Variants in PIP5K1A observed in about 807,000 individuals in gnomAD.
PIP5K1A encodes the protein phosphatidylinositol-4-phosphate 5-kinase type 1 alpha.
In PIP5K1A, 46 loss-of-function variants were observed where a neutral mutation model predicts 72.9. The ratio of observed to expected loss-of-function variants is 0.63; its 90% CI spans 0.50 to 0.81. The LOEUF is 0.81. Among genes scored for constraint, PIP5K1A ranks in the 30% least tolerant of loss-of-function variants. PIP5K1A has a pLI of 0.00. For synonymous variants in PIP5K1A, 228 were observed against 255.1 expected, an observed-to-expected ratio of 0.89 and a Z score of 1.01; for missense variants, 458 against 706.1, an observed-to-expected ratio of 0.65 and a Z score of 3.98.
At position 151,242,131 on chromosome 1, in the gene PIP5K1A, TCTC is replaced by T. The variant is rs1558300590; in HGVS notation, c.1375_1377del (p.Pro459del). 3.7e-6 allele frequency: 6 copies of T among 1,614,140 alleles called. No homozygotes were observed. The highest frequency in any genetic ancestry group is 3.3e-5 in the Admixed American group (2 of 60,020). On this transcript the variant is annotated inframe_deletion, in exon 13 of 16. Coordinates refer to ENST00000368888, the MANE Select transcript of PIP5K1A (RefSeq NM_001135638.2). ...CTCTTTCCCTTTTGAAGTGAAGCCT[TCTC>T]CTTCCAAAAAGTTTCGGTCTGGCTC...
At chr1:151,239,881 G>A (rs1170567949) in intron 11 of PIP5K1A, 74 bp from the exon 12 acceptor site, 3 of 1,037,198 alleles carry the variant, frequency 2.9e-6, no homozygotes, top group Non-Finnish European at 4.5e-6. Flanking sequence ...GCTCAGTCTG[G>A]GGGAAGATGG....
rs1692769390 is a variant in PIP5K1A, at chr1:151,248,171, C to A, written c.*306C>A. On this transcript the variant is annotated 3_prime_UTR_variant, in exon 16 of 16. Coordinates refer to ENST00000368888, the MANE Select transcript of PIP5K1A (RefSeq NM_001135638.2). ...CCTCCACTATTGAATTTTTTTCAGA[C>A]CCCCATTCTTCATGCTGGAAATGGG... 1.4e-5 allele frequency: 6 copies of A among 426,666 alleles called. No homozygotes were observed. The highest frequency in any genetic ancestry group is 2.5e-5 in the Non-Finnish European group (6 of 236,460). The allele number at this position is 426,666 out of a possible 1,614,324, so 26.4% of individuals were successfully genotyped here. A position where few individuals can be genotyped will look rare whatever the true frequency, so the allele number is the denominator to read the frequency against.
intron 1 of PIP5K1A, among the ~76,000 whole-genome samples, chr1:151,220,367 A>ATT (rs1438320909): frequency 6.6e-6 from 1 of 151,674 alleles, no homozygotes; most frequent in Non-Finnish European, 1.5e-5. Flanking sequence ...GACTTGCTTT[A>ATT]TTTTCTTCTG....
rs1558311314 is a variant in PIP5K1A at position 151,247,987 on chromosome 1, A to G, written c.*122A>G. On this transcript the variant is annotated 3_prime_UTR_variant, in exon 16 of 16. Coordinates refer to ENST00000368888, the MANE Select transcript of PIP5K1A (RefSeq NM_001135638.2). Reference sequence around the variant, plus strand: ...GGTCATCAAAAAAGGAGTGTAATAGAAGTGAGGGGAGCTGCTCCTCCATCT... The same window carrying G: ...GGTCATCAAAAAAGGAGTGTAATAGGAGTGAGGGGAGCTGCTCCTCCATCT... 3.6e-6 allele frequency: 3 copies of G among 839,374 alleles called. No homozygotes were observed. Among genetic ancestry groups the G allele is most frequent in the Non-Finnish European group, 6.1e-6 (3 of 491,498 alleles). 52.0% of individuals were successfully genotyped at this position (839,374 alleles called of 1,614,324 possible). A position where few individuals can be genotyped will look rare whatever the true frequency, so the allele number is the denominator to read the frequency against.
Position 151,234,461 on chromosome 1 carries a change from A to G in PIP5K1A, c.904A>G (p.Asn302Asp). ...TCTTTTTTTGGATGCTGACATGTACAACGCTCTCTGTAAGACCCTGCAGCG... is the reference window on the plus strand; with the variant it reads ...TCTTTTTTTGGATGCTGACATGTACGACGCTCTCTGTAAGACCCTGCAGCG... ...DGLFLDADMY[N>D]ALCKTLQRDC... Residue 302 changes from asparagine (N) to aspartate (D), a missense_variant, in exon 8 of 16, where the codon AAC becomes GAC. Coordinates refer to ENST00000368888, the MANE Select transcript of PIP5K1A (RefSeq NM_001135638.2). 6.2e-7 allele frequency: 1 copy of G among 1,614,076 alleles called. No homozygotes were observed. The highest frequency in any genetic ancestry group is 8.5e-7 in the Non-Finnish European group (1 of 1,179,966).
At chr1:151,230,079 C>T (rs1016113212) in intron 4 of PIP5K1A, among the ~76,000 whole-genome samples, 1 of 152,004 alleles carries the variant, frequency 6.6e-6, no homozygotes, top group Non-Finnish European at 1.5e-5. Context: ...CAGAGCGAGA[C>T]TCCGTCTCAA....
At chr1:151,224,978 TGA>T (rs1396045658) in intron 3 of PIP5K1A, among the ~76,000 whole-genome samples, 5 of 152,172 alleles carry the variant, frequency 3.3e-5, no homozygotes, top group African/African-American at 1.2e-4. Flanking sequence ...GGTGATATAC[TGA>T]GAGTTTTCTG....
intron 1 of PIP5K1A, among the ~76,000 whole-genome samples, chr1:151,200,199 A>T (rs1685024956): frequency 7.1e-6 from 1 of 141,828 alleles, no homozygotes; most frequent in African/African-American, 2.6e-5. Flanking sequence ...TGGGGGGGTG[A>T]CTGTAAGTGT....
rs1690207058 is a variant in PIP5K1A at position 151,232,324 on chromosome 1, T to C, written c.445T>C (p.Tyr149His). Residue 149 changes from tyrosine to histidine, a missense_variant, in exon 6 of 16, where the codon TAC becomes CAC. By Grantham distance (83) the Tyr-to-His change is moderately conservative. Around this residue, in one of 3 missense-constraint regions of PIP5K1A, gnomAD observed 220 missense variants for 442.6 expected, o/e 0.50. Coordinates refer to ENST00000368888, the MANE Select transcript of PIP5K1A (RefSeq NM_001135638.2). ...FKTYAPVAFR[Y>H]FRELFGIRPD... Reference sequence around the variant, plus strand: ...GACCTATGCACCTGTTGCCTTCCGCTACTTCCGGGAGCTATTTGGTATCCG... The same window carrying C: ...GACCTATGCACCTGTTGCCTTCCGCCACTTCCGGGAGCTATTTGGTATCCG... 6.2e-7 allele frequency: 1 copy of C among 1,614,020 alleles called. No individual in the cohort carries two copies. Among genetic ancestry groups the C allele is most frequent in the Non-Finnish European group, 8.5e-7 (1 of 1,179,974 alleles).
chr1:151,200,043 A>G (rs1684999954), intron 1 of PIP5K1A, among the ~76,000 whole-genome samples: 3 of 152,052 alleles, frequency 2.0e-5, no homozygotes, highest in African/African-American at 7.2e-5. Context: ...AAGGAATGGA[A>G]ATTTTGAAGA....
intron 1 of PIP5K1A, among the ~76,000 whole-genome samples, chr1:151,199,613 C>CA (rs1170539698): frequency 0.026 from 2,253 of 86,876 alleles, 35 homozygotes; most frequent in African/African-American, 0.053. Flanking sequence ...GACCCTGTCT[C>CA]AAAAAAAAAA....
chr1:151,202,117 A>G (rs587626673), intron 1 of PIP5K1A, among the ~76,000 whole-genome samples: 1 of 152,332 alleles, frequency 6.6e-6, no homozygotes, highest in East Asian at 1.9e-4. Flanking sequence ...TCTCCTTCCC[A>G]ATTTAAATGC....
chr1:151,244,311 T>A (rs1342830537), intron 14 of PIP5K1A, among the ~76,000 whole-genome samples: 1 of 152,184 alleles, frequency 6.6e-6, no homozygotes, highest in African/African-American at 2.4e-5. Flanking sequence ...ACTATTTACA[T>A]AGCATTTACA....
At chr1:151,228,375 C>G (rs1237310315) in intron 4 of PIP5K1A, among the ~76,000 whole-genome samples, 1 of 152,130 alleles carries the variant, frequency 6.6e-6, no homozygotes, top group East Asian at 1.9e-4. Flanking sequence ...GTCTCAAACT[C>G]CTGCCCTCAA....
At chr1:151,200,122 T>G (rs1281114957) in intron 1 of PIP5K1A, among the ~76,000 whole-genome samples, 2 of 151,636 alleles carry the variant, frequency 1.3e-5, no homozygotes, top group African/African-American at 4.9e-5. Context: ...GAATGGAGTC[T>G]TGAATTGCAG....
At chr1:151,209,812 T>C (rs1442227331) in intron 1 of PIP5K1A, among the ~76,000 whole-genome samples, 1 of 152,010 alleles carries the variant, frequency 6.6e-6, no homozygotes, top group Admixed American at 6.6e-5. Context: ...AACCTCGTGA[T>C]CTGCCCACCT....
intron 3 of PIP5K1A, among the ~76,000 whole-genome samples, chr1:151,225,475 C>CTTT (rs34557865): frequency 4.9e-4 from 71 of 145,910 alleles, no homozygotes; most frequent in Non-Finnish European, 8.2e-4. Flanking sequence ...CCCTTCTTGC[C>CTTT]TTTTTTTTTT....
At chr1:151,217,791 T>C (rs904413688) in intron 1 of PIP5K1A, among the ~76,000 whole-genome samples, 2 of 152,014 alleles carry the variant, frequency 1.3e-5, no homozygotes, top group African/African-American at 4.8e-5. Context: ...TTAAATTTTT[T>C]ATTTTTGAGA....
chr1:151,242,028 G>A, intron 12 of PIP5K1A, 95 bp from the exon 13 acceptor site: 2 of 1,253,886 alleles, frequency 1.6e-6, no homozygotes, highest in East Asian at 2.3e-5. Flanking sequence ...CCAACTTTGG[G>A]TGTGTGTTGG....
Sources: gnomAD v4.1 joint callset for allele counts (sites outside exome capture counted in the v4.1 genomes callset) on GRCh38, gnomAD v4.1.1 for gene constraint, gnomAD v4.1.1 regional missense constraint, MANE v1.5 for transcripts, NCBI Gene and HGNC (gene_info 2026-07-23, HGNC 2026-07-21) for gene names.